Variants in DAB1 observed in about 807,000 individuals in gnomAD.
DAB1 encodes the protein disabled homolog 1.
In DAB1, 15 loss-of-function variants were observed where a neutral mutation model predicts 64.6. That is an observed-to-expected ratio of 0.23 (90% CI 0.16 to 0.36). The LOEUF (loss-of-function observed/expected upper bound fraction) is 0.36. DAB1 is among the 10% of genes least tolerant of loss of function. The probability of loss-of-function intolerance (pLI) is 1.00; values close to 1 mark genes in which losing one functional copy is unlikely to be tolerated. For missense variants in DAB1, 596 were observed against 706.7 expected, an observed-to-expected ratio of 0.84 and a Z score of 1.78; for synonymous variants, 235 against 251.9, an observed-to-expected ratio of 0.93 and a Z score of 0.64.
intron 7 of DAB1, among the ~76,000 whole-genome samples, chr1:57,597,436 T>G (rs1187873451): frequency 1.3e-5 from 2 of 152,200 alleles, no homozygotes; most frequent in Non-Finnish European, 2.9e-5. Flanking sequence ...GTCTGCAGTT[T>G]GATACAACAG....
chr1:58,204,639 A>G (rs1419408498), intron 4 of DAB1, among the ~76,000 whole-genome samples: 1 of 152,200 alleles, frequency 6.6e-6, no homozygotes, highest in Non-Finnish European at 1.5e-5. Context: ...CACCCAGGCA[A>G]TGAAGAAGCT....
chr1:57,502,710 T>A (rs1012695257), intron 7 of DAB1, among the ~76,000 whole-genome samples: 1 of 152,186 alleles, frequency 6.6e-6, no homozygotes, highest in Non-Finnish European at 1.5e-5. Flanking sequence ...CTGATGGAAA[T>A]GTAGTGGAAA....
intron 4 of DAB1, among the ~76,000 whole-genome samples, chr1:58,217,616 T>C (rs986696690): frequency 1.3e-5 from 2 of 152,234 alleles, no homozygotes; most frequent in African/African-American, 2.4e-5. Flanking sequence ...TACTGACTTA[T>C]CTGATTTAAT....
chr1:57,175,562 T>A (rs1276458610), intron 2 of DAB1, among the ~76,000 whole-genome samples: 12 of 152,140 alleles, frequency 7.9e-5, no homozygotes, highest in Non-Finnish European at 1.8e-4. Flanking sequence ...AAAAATTACA[T>A]CCAAATTACA....
chr1:57,359,089 A>G (rs1679349797), intron 1 of DAB1, among the ~76,000 whole-genome samples: 1 of 152,074 alleles, frequency 6.6e-6, no homozygotes, highest in South Asian at 2.1e-4. Context: ...CGAATAGACA[A>G]ATGAGATTAC....
intron 7 of DAB1, chr1:57,605,758 C>T (rs4912266): frequency 0.75 from 246,723 of 329,348 alleles, 95,614 homozygotes; most frequent in Middle Eastern, 0.82. Context: ...AACTGAAATC[C>T]TGATTGATGG....
intron 5 of DAB1, among the ~76,000 whole-genome samples, chr1:58,041,743 G>C (rs1031831088): frequency 6.6e-6 from 1 of 152,210 alleles, no homozygotes; most frequent in Non-Finnish European, 1.5e-5. Context: ...AGCTAGAATT[G>C]GCATTGGCTT....
chr1:58,420,595 G>A (rs539633157), intron 3 of DAB1, among the ~76,000 whole-genome samples: 87 of 152,190 alleles, frequency 5.7e-4, no homozygotes, highest in African/African-American at 2.0e-3. Flanking sequence ...ATTTTTTAGC[G>A]CCTTGCCTTG....
At chr1:57,142,862 G>A (rs1469783288) in intron 3 of DAB1, among the ~76,000 whole-genome samples, 3 of 152,016 alleles carry the variant, frequency 2.0e-5, no homozygotes, top group Non-Finnish European at 2.9e-5. Context: ...GCAGATTTGT[G>A]GCTCTGGATG....
chr1:58,369,513 GA>G, intron 3 of DAB1, among the ~76,000 whole-genome samples: 1 of 152,310 alleles, frequency 6.6e-6, no homozygotes, highest in East Asian at 1.9e-4. Flanking sequence ...TAGAGTTAGT[GA>G]ATTACATATG....
chr1:57,683,479 A>G (rs1646660707), intron 6 of DAB1, among the ~76,000 whole-genome samples: 1 of 152,008 alleles, frequency 6.6e-6, no homozygotes, highest in African/African-American at 2.4e-5. Context: ...ACTGGCCACT[A>G]CTCTTAAGCT....
Position 58,118,503 on chromosome 1 carries a change from T to TACACACACACAC in DAB1, n.387+31996_387+32007dup, listed in dbSNP as rs34017384. Among the ~76,000 whole-genome samples, 93 of 53,096 alleles carry TACACACACACAC rather than the reference T, an allele frequency of 1.8e-3. 4 individuals carry two copies. Among genetic ancestry groups the TACACACACACAC allele is most frequent in the African/African-American group, 8.5e-3 (82 of 9,628 alleles). 34.8% of individuals were successfully genotyped at this position (53,096 alleles called of 152,430 possible). ...ATATATATATATATATATATATATA[T>TACACACACACAC]ACACACACACACACACACATATATA... On this transcript the variant is annotated intron_variant and non_coding_transcript_variant, in intron 5 of 20. Transcript: ENST00000485760.
chr1:57,271,585 G>C (rs575099726), intron 2 of DAB1, among the ~76,000 whole-genome samples: 2 of 152,324 alleles, frequency 1.3e-5, no homozygotes, highest in South Asian at 4.1e-4. Flanking sequence ...GCCCTCAGGG[G>C]ACATGGTCTG....
chr1:57,362,559 A>C (rs908231659), intron 1 of DAB1, among the ~76,000 whole-genome samples: 1 of 152,144 alleles, frequency 6.6e-6, no homozygotes, highest in Admixed American at 6.5e-5. Context: ...TGAGGTGATT[A>C]GGTCATGAGA....
chr1:57,881,175 T>C (rs1442564068), intron 1 of DAB1, among the ~76,000 whole-genome samples: 2 of 152,180 alleles, frequency 1.3e-5, no homozygotes. Flanking sequence ...AATACAGTGT[T>C]TGTATTAGTT....
intron 2 of DAB1, among the ~76,000 whole-genome samples, chr1:57,276,902 G>A (rs1349230020): frequency 6.6e-6 from 1 of 151,956 alleles, no homozygotes; most frequent in Non-Finnish European, 1.5e-5. Flanking sequence ...AATCTTCTGT[G>A]GCCAGCACTC....
intron 3 of DAB1, among the ~76,000 whole-genome samples, chr1:58,480,072 G>A (rs1468056249): frequency 2.6e-5 from 4 of 152,004 alleles, no homozygotes; most frequent in East Asian, 1.9e-4. Flanking sequence ...TAAATAACTC[G>A]TATTTCCACA....
At chr1:57,539,499 A>G (rs1468374956) in intron 7 of DAB1, among the ~76,000 whole-genome samples, 1 of 152,238 alleles carries the variant, frequency 6.6e-6, no homozygotes, top group East Asian at 1.9e-4. Context: ...CTGACAAGGA[A>G]GTGAGAAAGT....
intron 7 of DAB1, among the ~76,000 whole-genome samples, chr1:57,616,600 G>C (rs902508663): frequency 6.6e-6 from 1 of 152,042 alleles, no homozygotes; most frequent in African/African-American, 2.4e-5. Flanking sequence ...GGCAGCGCAG[G>C]CATTATAGAT....
Sources: gnomAD v4.1 joint callset for allele counts (sites outside exome capture counted in the v4.1 genomes callset) on GRCh38, gnomAD v4.1.1 for gene constraint, MANE v1.5 for transcripts, NCBI Gene and HGNC (gene_info 2026-07-23, HGNC 2026-07-21) for gene names.